The following SHOC2 variants were observed in gnomAD, a reference collection of about 807,000 sequenced individuals.
SHOC2 encodes the protein SHOC2 leucine rich repeat scaffold protein.
In SHOC2, 4 loss-of-function variants were observed where a neutral mutation model predicts 50.2. That is an observed-to-expected ratio of 0.08 (90% CI 0.04 to 0.18). The LOEUF is 0.18. Among genes scored for constraint, SHOC2 ranks in the 10% least tolerant of loss-of-function variants. SHOC2 has a pLI of 1.00. For missense variants in SHOC2, 388 were observed against 669.6 expected (o/e 0.58, Z 4.64); for synonymous variants, 218 against 244.5 (o/e 0.89, Z 1.01).
chr10:111,008,955 C>T (rs905001521), intron 6 of SHOC2, among the ~76,000 whole-genome samples: 9 of 152,050 alleles, frequency 5.9e-5, no homozygotes, highest in Middle Eastern at 3.4e-3. Context: ...TAAATAGTTT[C>T]CTATTAGATA....
intron 1 of SHOC2, among the ~76,000 whole-genome samples, chr10:110,926,047 C>T (rs1044062611): frequency 1.4e-4 from 22 of 152,290 alleles, no homozygotes; most frequent in African/African-American, 5.3e-4. Flanking sequence ...ATGCACTCTT[C>T]ATGTAGCTAA....
intron 1 of SHOC2, among the ~76,000 whole-genome samples, chr10:110,928,283 C>T (rs781741119): frequency 2.6e-5 from 4 of 152,068 alleles, no homozygotes; most frequent in African/African-American, 4.8e-5. Flanking sequence ...CACTACTGCA[C>T]TCCAGCCTGG....
chr10:110,919,767 C>T (rs1455378288), intron 1 of SHOC2, 110 bp downstream of exon 1: 7 of 395,020 alleles, frequency 1.8e-5, no homozygotes, highest in African/African-American at 6.2e-5. Context: ...GCCCCGTGCG[C>T]CCTGACAGGC....
chr10:110,990,799 A>T (rs1221925592), intron 3 of SHOC2, among the ~76,000 whole-genome samples: 1 of 152,154 alleles, frequency 6.6e-6, no homozygotes, highest in East Asian at 1.9e-4. Flanking sequence ...ATGTTGCTTT[A>T]CTCTACTGCA....
intron 3 of SHOC2, chr10:110,986,016 G>A (rs1848069948): frequency 2.6e-6 from 1 of 381,092 alleles, no homozygotes; most frequent in Non-Finnish European, 4.8e-6. Context: ...TATATATTCT[G>A]TCATAGTTTG....
At chr10:110,965,593 G>A (rs1488272725) in intron 2 of SHOC2, among the ~76,000 whole-genome samples, 6 of 152,008 alleles carry the variant, frequency 3.9e-5, no homozygotes, top group Non-Finnish European at 7.4e-5. Flanking sequence ...GTACTTACAT[G>A]TTTATTAAAA....
rs567407159 is a variant in SHOC2, at chr10:111,009,573, A to G, written c.1423-140A>G. 6.3e-6 allele frequency: 5 copies of G among 793,704 alleles called. No individual in the cohort carries two copies. The South Asian group carries it at 6.8e-5, about 11-fold the overall frequency. 49.2% of individuals were successfully genotyped at this position (793,704 alleles called of 1,614,324 possible). On this transcript the variant is annotated intron_variant, in intron 7 of 8. Transcript: ENST00000369452. ...ACAAATGGTATTTTGTGAAAGAAAA[A>G]TATGTAATGTAAGTGATTCTCATTC...
intron 4 of SHOC2, among the ~76,000 whole-genome samples, chr10:111,000,854 CA>C (rs1179816926): frequency 1.3e-5 from 2 of 151,958 alleles, no homozygotes; most frequent in Non-Finnish European, 2.9e-5. Flanking sequence ...TGGGAACTGA[CA>C]GTAAAGGTAT....
chr10:110,921,938 A>G (rs1188191695), intron 1 of SHOC2, among the ~76,000 whole-genome samples: 1 of 152,146 alleles, frequency 6.6e-6, no homozygotes, highest in African/African-American at 2.4e-5. Flanking sequence ...GAGTGATATT[A>G]AAATATACAT....
chr10:110,947,847 AAAC>A (rs1265711285), intron 1 of SHOC2, among the ~76,000 whole-genome samples: 3 of 152,160 alleles, frequency 2.0e-5, no homozygotes, highest in African/African-American at 7.2e-5. Context: ...GATAGTCAGA[AAAC>A]AACAAAATGA....
chr10:110,948,177 G>A (rs890141649), intron 1 of SHOC2, among the ~76,000 whole-genome samples: 3 of 152,142 alleles, frequency 2.0e-5, no homozygotes, highest in African/African-American at 7.2e-5. Flanking sequence ...AGATATAATA[G>A]TTGTAAATAT....
chr10:110,988,564 G>T (rs902077820), intron 3 of SHOC2, among the ~76,000 whole-genome samples: 5 of 152,018 alleles, frequency 3.3e-5, no homozygotes, highest in Admixed American at 6.5e-5. Context: ...CTGATATCAA[G>T]AATTTGTATG....
chr10:110,920,518 A>G (rs1194180178), intron 1 of SHOC2, among the ~76,000 whole-genome samples: 1 of 151,866 alleles, frequency 6.6e-6, no homozygotes, highest in African/African-American at 2.4e-5. Context: ...CTTTCTCTTT[A>G]TTTCTTTTCT....
At chr10:110,990,577 G>A (rs1436020823) in intron 3 of SHOC2, among the ~76,000 whole-genome samples, 1 of 152,046 alleles carries the variant, frequency 6.6e-6, no homozygotes, top group African/African-American at 2.4e-5. Flanking sequence ...GCACCAATCA[G>A]CGCCCTGACA....
chr10:110,941,710 T>C (rs547933737), intron 1 of SHOC2, among the ~76,000 whole-genome samples: 4 of 152,330 alleles, frequency 2.6e-5, no homozygotes, highest in African/African-American at 7.2e-5. Flanking sequence ...CCAGTCTATA[T>C]AACCTGTTTT....
chr10:110,991,947 G>A (rs796374995), intron 3 of SHOC2, among the ~76,000 whole-genome samples: 11 of 152,288 alleles, frequency 7.2e-5, no homozygotes, highest in African/African-American at 2.6e-4. Flanking sequence ...TAGTCTGGAA[G>A]CAGCTGCCCA....
At chr10:110,990,781 A>C (rs1358186389) in intron 3 of SHOC2, among the ~76,000 whole-genome samples, 1 of 152,146 alleles carries the variant, frequency 6.6e-6, no homozygotes, top group African/African-American at 2.4e-5. Flanking sequence ...AAAAAAAAAC[A>C]CAACAAAATG....
Position 110,964,927 on chromosome 10 carries a change from G to A in SHOC2, c.569G>A (p.Arg190Lys), listed in dbSNP as rs745320663. The A allele has an allele frequency of 4.3e-6, 7 of 1,613,750 alleles. No homozygotes were observed. Among genetic ancestry groups the A allele is most frequent in the South Asian group, 1.1e-5 (1 of 91,084 alleles). ...KLREIPSVVYRLDSLTTLYLR... is the reference protein window; with the variant it reads ...KLREIPSVVYKLDSLTTLYLR... The stretch of plus-strand genomic sequence containing the variant: ...AGAGAAATTCCTTCAGTGGTGTATA[G>A]GCTGGATTCTCTCACCACTCTTTAC... The change falls in exon 2 of 9, where the codon AGG becomes AAG. Residue 190 changes from arginine (R) to lysine (K), a missense_variant. Physicochemically the swap from Arg to Lys is conservative, Grantham distance 26. Coordinates refer to ENST00000369452, the MANE Select transcript of SHOC2 (RefSeq NM_007373.4). This position sits in a 1 kb window ranked among gnomAD's most constrained non-coding sequence, Gnocchi z 4.9.
chr10:110,977,368 C>T (rs1037691393), intron 2 of SHOC2, among the ~76,000 whole-genome samples: 7 of 152,044 alleles, frequency 4.6e-5, no homozygotes, highest in African/African-American at 1.7e-4. Context: ...TCTCCTGCCT[C>T]CCGAGTAGCT....
Sources: allele counts gnomAD v4.1 joint callset (sites outside exome capture counted in the v4.1 genomes callset), GRCh38; gene constraint gnomAD v4.1.1; non-coding constraint Gnocchi (gnomAD v3.1); transcripts MANE v1.5; gene names NCBI Gene and HGNC (gene_info 2026-07-23, HGNC 2026-07-21).